The following ITPR2 variants were observed in gnomAD, a reference collection of about 807,000 sequenced individuals.
ITPR2 encodes the protein inositol 1,4,5-trisphosphate receptor type 2.
A neutral mutation model predicts 317.1 loss-of-function variants in ITPR2; 207 were observed. The ratio of observed to expected loss-of-function variants is 0.65; its 90% CI spans 0.58 to 0.73. ITPR2 has a LOEUF of 0.73. Ranked by LOEUF, ITPR2 falls within the 30% of genes least tolerant of loss-of-function variation. ITPR2 has a pLI of 0.00. For synonymous variants in ITPR2, 1,156 were observed against 1,149.1 expected, an observed-to-expected ratio of 1.01 and a Z score of -0.12; for missense variants, 2,613 against 3,284.0, an observed-to-expected ratio of 0.80 and a Z score of 4.99.
chr12:26,405,530 G>A (rs1940319700), intron 52 of ITPR2, among the ~76,000 whole-genome samples: 1 of 152,078 alleles, frequency 6.6e-6, no homozygotes, highest in Admixed American at 6.5e-5. Context: ...TATTTTAGTG[G>A]CTCTGAAATA....
At chr12:26,407,492 G>T (rs968073153) in intron 52 of ITPR2, among the ~76,000 whole-genome samples, 4 of 152,096 alleles carry the variant, frequency 2.6e-5, no homozygotes, top group Non-Finnish European at 4.4e-5. Context: ...TGGGGGGTTG[G>T]GGTAGGGGTG....
intron 36 of ITPR2, among the ~76,000 whole-genome samples, chr12:26,555,239 G>T (rs539326771): frequency 2.8e-3 from 431 of 152,278 alleles, no homozygotes; most frequent in Non-Finnish European, 5.0e-3. Context: ...CTTCTTGTGT[G>T]CCCTAGTCCT....
At chr12:26,780,092 A>G (rs1565758103) in intron 2 of ITPR2, among the ~76,000 whole-genome samples, 1 of 152,190 alleles carries the variant, frequency 6.6e-6, no homozygotes, top group Non-Finnish European at 1.5e-5. Context: ...GGGCCCATGA[A>G]CAAAGTGGCT....
intron 55 of ITPR2, among the ~76,000 whole-genome samples, chr12:26,356,015 A>G (rs1373097312): frequency 1.3e-5 from 2 of 152,230 alleles, no homozygotes; most frequent in African/African-American, 2.4e-5. Context: ...AGGGATGGTG[A>G]ATTTAAAAAT....
Position 26,483,896 on chromosome 12 carries a change from G to C in ITPR2, c.5814C>G (p.Asn1938Lys). 6.2e-7 allele frequency: 1 copy of C among 1,613,422 alleles called. No homozygotes were observed. The highest frequency in any genetic ancestry group is 8.5e-7 in the Non-Finnish European group (1 of 1,179,458). ...LCENHNRELQ[N>K]FLRNQNNKTN... ...TTTTGTTGTTTTGATTCCTCAAGAA[G>C]TTCTGAAGGCAAAAGAAAATAAAAT... The change falls in exon 42 of 57, where the codon AAC becomes AAG. Residue 1938 changes from asparagine (N) to lysine (K), a missense_variant and splice_region_variant. By Grantham distance (94) the Asn-to-Lys change is moderately conservative. Around this residue, in one of 9 missense-constraint regions of ITPR2, gnomAD observed 926 missense variants for 1,072.8 expected, o/e 0.86. Coordinates refer to ENST00000381340, the MANE Select transcript of ITPR2 (RefSeq NM_002223.4).
rs187367847 is a variant in ITPR2 at position 26,337,982 on chromosome 12, C to G, written c.*1415G>C. On this transcript the variant is annotated 3_prime_UTR_variant, in exon 57 of 57. Transcript: ENST00000381340. ...AGCTTTAAAAATTGTCAGAGCAAAC[C>G]CTATAGCAAACCCTATCTAGACCTT... 1 of 152,090 alleles carries G rather than the reference C, an allele frequency of 6.6e-6. No homozygotes were observed. Among genetic ancestry groups the G allele is most frequent in the South Asian group, 2.1e-4 (1 of 4,818 alleles). The allele number at this position is 152,090 out of a possible 1,614,324, so 9.4% of individuals were successfully genotyped here.
chr12:26,518,730 T>C (rs1435517200), intron 37 of ITPR2, among the ~76,000 whole-genome samples: 6 of 152,144 alleles, frequency 3.9e-5, no homozygotes, highest in African/African-American at 1.2e-4. Context: ...AATTTTTAAA[T>C]TTTTAAAATT....
chr12:26,624,224 A>C, intron 24 of ITPR2, 75 bp downstream of exon 24: 1 of 992,406 alleles, frequency 1.0e-6, no homozygotes, highest in South Asian at 1.4e-5. Context: ...AGAGTGAACA[A>C]TATCAAAGTA....
At chr12:26,737,289 C>T (rs12811022) in intron 2 of ITPR2, among the ~76,000 whole-genome samples, 18 of 151,078 alleles carry the variant, frequency 1.2e-4, no homozygotes, top group African/African-American at 4.4e-4. Context: ...TACGGAGCCT[C>T]GCTCTGTCAC....
In ITPR2 at chr12:26,582,428, C is replaced by A. The variant is rs1473486379; in HGVS notation, c.4381-2273G>T. ...TTGCACATATTATTCACATAACATT[C>A]TTTCCTATAAAACACTTTTATGTAC... On this transcript the variant is annotated intron_variant, in intron 32 of 56. Coordinates refer to ENST00000381340, the MANE Select transcript of ITPR2 (RefSeq NM_002223.4). 4.6e-5 allele frequency among the ~76,000 whole-genome samples: 7 copies of A among 152,260 alleles called. No individual in the cohort carries two copies. In the East Asian group the frequency reaches 9.6e-4, roughly 21 times the overall value.
chr12:26,683,936 C>T lies in ITPR2; in HGVS notation c.1149-1263G>A, dbSNP rs555252775. Among the ~76,000 whole-genome samples the T allele has an allele frequency of 1.3e-4, 20 of 152,240 alleles. 2 individuals carry two copies. In the South Asian group the frequency reaches 3.7e-3, roughly 28 times the overall value. On this transcript the variant is annotated intron_variant, in intron 11 of 56. Transcript: ENST00000381340. ...TCAGTGTAAAGATAAGGCATAAATA[C>T]GTCTTAAAACATAAGGTAAAAAGCA...
chr12:26,481,016 C>T (rs1942533331), intron 43 of ITPR2, 115 bp downstream of exon 43: 1 of 563,582 alleles, frequency 1.8e-6, no homozygotes, highest in African/African-American at 1.9e-5. Context: ...TTTCACTATC[C>T]CTTTCTGTCA....
At chr12:26,572,133 T>C (rs1945177522) in intron 34 of ITPR2, among the ~76,000 whole-genome samples, 1 of 152,210 alleles carries the variant, frequency 6.6e-6, no homozygotes, top group African/African-American at 2.4e-5. Flanking sequence ...TGAATTCTGC[T>C]AAACTTTAGT....
intron 2 of ITPR2, among the ~76,000 whole-genome samples, chr12:26,751,902 C>T (rs1013977699): frequency 6.6e-6 from 1 of 151,872 alleles, no homozygotes; most frequent in African/African-American, 2.4e-5. Context: ...CCCTAAAACC[C>T]ACACTGTAAA....
rs558179086 is a variant in ITPR2 at position 26,509,688 on chromosome 12, C to A, written c.5074-14428G>T. Reference sequence around the variant, plus strand: ...GTATGTGTCAATTAGGAGCCAATTTCCTTTTAAAACTGTCTAATGTTTAGG... The same window carrying A: ...GTATGTGTCAATTAGGAGCCAATTTACTTTTAAAACTGTCTAATGTTTAGG... On this transcript the variant is annotated intron_variant, in intron 37 of 56. Transcript: ENST00000381340. Among the ~76,000 whole-genome samples the A allele has an allele frequency of 8.9e-4, 136 of 152,186 alleles. No homozygotes were observed. In the East Asian group the frequency reaches 0.022, roughly 24 times the overall value.
rs750295037 is a variant in ITPR2 at position 26,443,543 on chromosome 12, C to T, written c.6450G>A (p.Glu2150=). 1 of 1,602,512 alleles carries T rather than the reference C, an allele frequency of 6.2e-7. No homozygotes were observed. The highest frequency in any genetic ancestry group is 8.5e-7 in the Non-Finnish European group (1 of 1,170,716). The change falls in exon 46 of 57, where the codon GAG becomes GAA. Residue 2150 remains glutamate (E), a splice_region_variant and synonymous_variant. Coordinates refer to ENST00000381340, the MANE Select transcript of ITPR2 (RefSeq NM_002223.4). The part of the protein sequence containing the change: ...KYYANHTAQI[E]IVRHDRTMEQ... ...CTTTCAATAAATAATAGATGGTTACCTCAATCTGTGCAGTGTGGTTGGCAT... is the reference window on the plus strand; with the variant it reads ...CTTTCAATAAATAATAGATGGTTACTTCAATCTGTGCAGTGTGGTTGGCAT...
intron 21 of ITPR2, among the ~76,000 whole-genome samples, chr12:26,644,449 T>C (rs953192689): frequency 1.3e-5 from 2 of 152,142 alleles, no homozygotes; most frequent in Non-Finnish European, 2.9e-5. Flanking sequence ...ATTAGTCTAT[T>C]CTCACACTGC....
intron 37 of ITPR2, among the ~76,000 whole-genome samples, chr12:26,542,027 C>A (rs1944277379): frequency 6.6e-6 from 1 of 152,192 alleles, no homozygotes; most frequent in Non-Finnish European, 1.5e-5. Context: ...ATCACCTACC[C>A]AACCTGGGCA....
At position 26,337,501 on chromosome 12, in the gene ITPR2, G is replaced by C. The variant is rs1342057897; in HGVS notation, c.*1896C>G. 4 of 152,178 alleles carry C rather than the reference G, an allele frequency of 2.6e-5. No homozygotes were observed. Among genetic ancestry groups the C allele is most frequent in the Admixed American group, 1.3e-4 (2 of 15,268 alleles). 9.4% of individuals were successfully genotyped at this position (152,178 alleles called of 1,614,324 possible). On this transcript the variant is annotated 3_prime_UTR_variant, in exon 57 of 57. Transcript: ENST00000381340. Reference sequence around the variant, plus strand: ...AGCATTGATGATCCTGGATTTTAAAGATGGCTGCTTTAGTCTACTTTGATT... The same window carrying C: ...AGCATTGATGATCCTGGATTTTAAACATGGCTGCTTTAGTCTACTTTGATT...
Sources: gnomAD v4.1 joint callset for allele counts (sites outside exome capture counted in the v4.1 genomes callset) on GRCh38, gnomAD v4.1.1 for gene constraint, gnomAD v4.1.1 regional missense constraint, MANE v1.5 for transcripts, NCBI Gene and HGNC (gene_info 2026-07-23, HGNC 2026-07-21) for gene names.